The following TBC1D30 variants were observed in gnomAD, a reference collection of about 807,000 sequenced individuals.
TBC1D30 encodes the protein TBC1 domain family, member 30.
A neutral mutation model predicts 63.2 loss-of-function variants in TBC1D30; 31 were observed. That is an observed-to-expected ratio of 0.49 (90% CI 0.37 to 0.66). The LOEUF (loss-of-function observed/expected upper bound fraction) is 0.66, where lower values mean the gene tolerates loss of function less well. Ranked by LOEUF, TBC1D30 falls within the 30% of genes least tolerant of loss-of-function variation. The pLI is 0.00. For missense variants in TBC1D30, 810 were observed against 953.6 expected (o/e 0.85, Z 1.98); for synonymous variants, 307 against 361.5 (o/e 0.85, Z 1.71).
At chr12:64,847,314 A>T (rs553685126) in intron 8 of TBC1D30, among the ~76,000 whole-genome samples, 1 of 151,464 alleles carries the variant, frequency 6.6e-6, no homozygotes. Context: ...TCAGTTTTAT[A>T]TATCTTTTCA....
intron 1 of TBC1D30, among the ~76,000 whole-genome samples, chr12:64,826,587 G>A (rs998314): frequency 0.62 from 93,436 of 151,862 alleles, 28,956 homozygotes; most frequent in East Asian, 0.9. Context: ...TCCCGTGGCC[G>A]TTGTTATCAC....
chr12:64,790,086 G>T (rs1871834138), intron 2 of TBC1D30, among the ~76,000 whole-genome samples: 1 of 152,142 alleles, frequency 6.6e-6, no homozygotes, highest in East Asian at 1.9e-4. Flanking sequence ...ACATAAGAGG[G>T]TTCTACTTTT....
Position 64,774,815 on chromosome 12 carries a change from G to A in TBC1D30, c.-375-11066G>A, listed in dbSNP as rs144349143. ...AAGCACTAAATATGGAAAGAAGGCC[G>A]GGCATGGTGGCTCATGTCTGTAATC... On this transcript the variant is annotated intron_variant, in intron 1 of 13. Coordinates refer to the TBC1D30 transcript ENST00000674237. Among the ~76,000 whole-genome samples, 16 of 152,152 alleles carry A rather than the reference G, an allele frequency of 1.1e-4. No homozygotes were observed. In the East Asian group the frequency reaches 1.4e-3, roughly 13 times the overall value.
At chr12:64,816,420 T>C (rs1212938686) in intron 2 of TBC1D30, among the ~76,000 whole-genome samples, 5 of 152,254 alleles carry the variant, frequency 3.3e-5, no homozygotes. Context: ...GATTTCTTTG[T>C]TTAAATTTCA....
intron 8 of TBC1D30, among the ~76,000 whole-genome samples, chr12:64,854,923 G>A (rs1565680095): frequency 2.0e-5 from 3 of 152,128 alleles, no homozygotes; most frequent in Admixed American, 6.5e-5. Context: ...CTTTCTTCTT[G>A]CTCATTAACA....
At chr12:64,802,130 C>T (rs990132062) in intron 2 of TBC1D30, among the ~76,000 whole-genome samples, 1 of 152,204 alleles carries the variant, frequency 6.6e-6, no homozygotes, top group South Asian at 2.1e-4. Context: ...TCCTATCCCA[C>T]GCCTAGCCCA....
chr12:64,835,064 T>C (rs570736997), intron 5 of TBC1D30, among the ~76,000 whole-genome samples: 2 of 152,290 alleles, frequency 1.3e-5, no homozygotes, highest in South Asian at 4.1e-4. Flanking sequence ...GCAAGGGTAC[T>C]CTACCATGCT....
intron 2 of TBC1D30, chr12:64,786,053 C>T (rs1239158986): frequency 7.8e-7 from 1 of 1,280,478 alleles, no homozygotes; most frequent in African/African-American, 1.5e-5. Context: ...GAAGTAAGTA[C>T]TGGAATTGGG....
chr12:64,863,117 T>C (rs1342255300), intron 8 of TBC1D30, among the ~76,000 whole-genome samples: 1 of 152,178 alleles, frequency 6.6e-6, no homozygotes, highest in East Asian at 1.9e-4. Context: ...TTAATAAAAT[T>C]ATATGAAATA....
At chr12:64,786,170 T>A in intron 2 of TBC1D30, 2 of 579,692 alleles carry the variant, frequency 3.5e-6, no homozygotes, top group Non-Finnish European at 5.1e-6. Flanking sequence ...CCCTCAGAAC[T>A]AAGAACAAGG....
At chr12:64,784,531 G>T (rs992511924) in intron 1 of TBC1D30, among the ~76,000 whole-genome samples, 2 of 150,116 alleles carry the variant, frequency 1.3e-5, no homozygotes, top group Admixed American at 1.3e-4. Flanking sequence ...CCTCTAATGG[G>T]GGGCTAGCTA....
exon 2 of TBC1D30, chr12:64,786,025 A>T: frequency 3.9e-6 from 5 of 1,288,026 alleles, no homozygotes; most frequent in Non-Finnish European, 5.1e-6. Flanking sequence ...GCCTGCTTGC[A>T]GGCTGTGTCA....
chr12:64,825,288 C>A, intron 1 of TBC1D30: 1 of 441,730 alleles, frequency 2.3e-6, no homozygotes, highest in Non-Finnish European at 3.9e-6. Flanking sequence ...CGCGGACCCC[C>A]ACCCTGCGGC....
At chr12:64,762,680 A>G (rs762704027) in intron 1 of TBC1D30, among the ~76,000 whole-genome samples, 2 of 152,242 alleles carry the variant, frequency 1.3e-5, no homozygotes, top group Non-Finnish European at 2.9e-5. Flanking sequence ...AGTAACTGCC[A>G]GGCATACTTC....
chr12:64,800,379 A>G (rs571774436), intron 2 of TBC1D30, among the ~76,000 whole-genome samples: 6 of 152,286 alleles, frequency 3.9e-5, no homozygotes, highest in African/African-American at 1.4e-4. Flanking sequence ...TTCAGAGGTC[A>G]TTTTGACAGC....
intron 1 of TBC1D30, among the ~76,000 whole-genome samples, chr12:64,767,779 A>C (rs1870764918): frequency 7.7e-5 from 2 of 25,940 alleles, no homozygotes; most frequent in Non-Finnish European, 1.5e-4. Flanking sequence ...TAAGATACAC[A>C]TGCTCCGGCG....
At chr12:64,774,519 A>G (rs901347045) in intron 1 of TBC1D30, among the ~76,000 whole-genome samples, 1 of 152,212 alleles carries the variant, frequency 6.6e-6, no homozygotes, top group Non-Finnish European at 1.5e-5. Context: ...AATGAAAGAA[A>G]AAATGTTAAG....
intron 2 of TBC1D30, among the ~76,000 whole-genome samples, chr12:64,786,424 C>T (rs1871584009): frequency 6.6e-6 from 1 of 152,040 alleles, no homozygotes; most frequent in Non-Finnish European, 1.5e-5. Context: ...CTCCGCCTCC[C>T]AGGTTCAGGC....
chr12:64,817,593 T>C (rs1028936199), intron 2 of TBC1D30, among the ~76,000 whole-genome samples: 29 of 152,180 alleles, frequency 1.9e-4, no homozygotes, highest in Admixed American at 1.9e-3. Context: ...CAAACCAACA[T>C]TATTGTTGAT....
Sources: gnomAD v4.1 joint callset for allele counts (sites outside exome capture counted in the v4.1 genomes callset) on GRCh38, gnomAD v4.1.1 for gene constraint, MANE v1.5 for transcripts, NCBI Gene and HGNC (gene_info 2026-07-23, HGNC 2026-07-21) for gene names.